Variants in KREMEN1 observed in about 807,000 individuals in gnomAD.
The protein encoded by KREMEN1 is kringle containing transmembrane protein 1.
Under a neutral mutation model 46.5 loss-of-function variants are expected in KREMEN1, and 30 were observed. That is an observed-to-expected ratio of 0.65 (90% CI 0.48 to 0.88). The LOEUF (loss-of-function observed/expected upper bound fraction) is 0.88, where lower values mean the gene tolerates loss of function less well. KREMEN1 is among the 40% of genes least tolerant of loss of function. KREMEN1 has a pLI of 0.00. For synonymous variants in KREMEN1, 214 were observed against 230.6 expected (o/e 0.93, Z 0.65); for missense variants, 533 against 596.9 (o/e 0.89, Z 1.11).
chr22:29,105,463 G>GCACACACA (rs1181636900), intron 3 of KREMEN1, among the ~76,000 whole-genome samples: 5 of 112,878 alleles, frequency 4.4e-5, no homozygotes, highest in Non-Finnish European at 7.6e-5. Flanking sequence ...GTGCGTGTGC[G>GCACACACA]CACACACACA....
intron 1 of KREMEN1, among the ~76,000 whole-genome samples, chr22:29,089,262 C>G (rs2037773611): frequency 6.6e-6 from 1 of 152,184 alleles, no homozygotes; most frequent in Non-Finnish European, 1.5e-5. Context: ...AATTCTACCC[C>G]AAAACACTCT....
chr22:29,097,515 C>T (rs1727127645), intron 2 of KREMEN1, among the ~76,000 whole-genome samples: 1 of 152,204 alleles, frequency 6.6e-6, no homozygotes, highest in Non-Finnish European at 1.5e-5. Context: ...GAGGAGTCAG[C>T]ATTTTGAGGA....
rs1031131528 is a variant in KREMEN1, at chr22:29,145,018, G to T, written c.*2906G>T. On this transcript the variant is annotated 3_prime_UTR_variant, in exon 9 of 9. Coordinates refer to ENST00000400335, the MANE Select transcript of KREMEN1 (RefSeq NM_001039570.3). ...CAAATCTGGCTCAGGACAGCGTACG[G>T]GCAGGAGGGCTGTAAATCATCCCAG... The T allele has an allele frequency of 1.2e-5, 12 of 985,526 alleles. No homozygotes were observed. The highest frequency in any genetic ancestry group is 1.4e-5 in the Non-Finnish European group (12 of 830,008). The allele number at this position is 985,526 out of a possible 1,614,324, so 61.0% of individuals were successfully genotyped here.
intron 1 of KREMEN1, among the ~76,000 whole-genome samples, chr22:29,074,460 G>A (rs939844764): frequency 1.3e-5 from 2 of 152,266 alleles, no homozygotes; most frequent in African/African-American, 4.8e-5. Flanking sequence ...CCCTGGACCA[G>A]GATGAAGCTT....
Position 29,144,529 on chromosome 22 carries a change from C to G in KREMEN1, c.*2417C>G. 1.0e-6 allele frequency: 1 copy of G among 984,430 alleles called. No individual in the cohort carries two copies. Among genetic ancestry groups the G allele is most frequent in the Non-Finnish European group, 1.2e-6 (1 of 829,968 alleles). The allele number at this position is 984,430 out of a possible 1,614,324, so 61.0% of individuals were successfully genotyped here. A position where few individuals can be genotyped will look rare whatever the true frequency, so the allele number is the denominator to read the frequency against. ...AGGCCTCTGTCTCCAAGAGGCCTGTCACACAGGAGGACCGCTGGAAACATA... is the reference window on the plus strand; with the variant it reads ...AGGCCTCTGTCTCCAAGAGGCCTGTGACACAGGAGGACCGCTGGAAACATA... On this transcript the variant is annotated 3_prime_UTR_variant, in exon 9 of 9. Transcript: ENST00000400335.
chr22:29,121,236 A>G (rs2038351161), intron 3 of KREMEN1, 121 bp from the exon 4 acceptor site: 2 of 1,135,938 alleles, frequency 1.8e-6, no homozygotes, highest in Admixed American at 2.3e-5. Context: ...CTTGTTGTTT[A>G]TTTGTACCTC....
At chr22:29,148,085 G>C (rs2038886046), downstream of KREMEN1, among the ~76,000 whole-genome samples, 1 of 152,214 alleles carries the variant, frequency 6.6e-6, no homozygotes, top group Admixed American at 6.5e-5. Flanking sequence ...CCTGAGCGGA[G>C]AGAGGGGCCA....
intron 3 of KREMEN1, among the ~76,000 whole-genome samples, chr22:29,104,133 G>A (rs919007613): frequency 6.6e-6 from 1 of 150,952 alleles, no homozygotes; most frequent in African/African-American, 2.4e-5. Context: ...ATTCAAATAT[G>A]TAACATGATT....
downstream of KREMEN1, among the ~76,000 whole-genome samples, chr22:29,149,926 T>C (rs1346375597): frequency 2.0e-5 from 3 of 152,186 alleles, no homozygotes; most frequent in East Asian, 5.8e-4. Flanking sequence ...GGTGACCTTG[T>C]CTCCAGGCTT....
At chr22:29,113,573 T>C (rs979761186) in intron 3 of KREMEN1, among the ~76,000 whole-genome samples, 14 of 152,252 alleles carry the variant, frequency 9.2e-5, no homozygotes, top group Non-Finnish European at 1.5e-4. Context: ...TATCTCATTT[T>C]ATTTCTCACA....
In KREMEN1 at chr22:29,142,271, C is replaced by G; in HGVS notation, c.*159C>G. Reference sequence around the variant, plus strand: ...CTCCTACAGACTAGGAAGAGGCACCCTGCTGCCAGGGCAGGCAGAGCCTGG... The same window carrying G: ...CTCCTACAGACTAGGAAGAGGCACCGTGCTGCCAGGGCAGGCAGAGCCTGG... On this transcript the variant is annotated 3_prime_UTR_variant, in exon 9 of 9. Coordinates refer to ENST00000400335, the MANE Select transcript of KREMEN1 (RefSeq NM_001039570.3). 7.5e-7 allele frequency: 1 copy of G among 1,336,288 alleles called. No individual in the cohort carries two copies. The highest frequency in any genetic ancestry group is 9.5e-7 in the Non-Finnish European group (1 of 1,048,628). 82.8% of individuals were successfully genotyped at this position (1,336,288 alleles called of 1,614,324 possible).
chr22:29,146,453 T>C lies in KREMEN1; in HGVS notation c.*4341T>C. On this transcript the variant is annotated 3_prime_UTR_variant, in exon 9 of 9. Transcript: ENST00000400335. ...GGAGGAAAGTCAGAGGGAAATCTGC[T>C]TCAGAAAGGAAGGGTCTTTAGACAC... 2 of 985,544 alleles carry C rather than the reference T, an allele frequency of 2.0e-6. No homozygotes were observed. Among genetic ancestry groups the C allele is most frequent in the African/African-American group, 1.7e-5 (1 of 57,320 alleles). The allele number at this position is 985,544 out of a possible 1,614,324, so 61.0% of individuals were successfully genotyped here. A position where few individuals can be genotyped will look rare whatever the true frequency, so the allele number is the denominator to read the frequency against.
Position 29,143,849 on chromosome 22 carries a change from A to C in KREMEN1, c.*1737A>C. On this transcript the variant is annotated 3_prime_UTR_variant, in exon 9 of 9. Transcript: ENST00000400335. ...GGGGAAGGAGAGCACTCTTGTCCCC[A>C]GTCCCTTGCCACCCTGTCCCTTAGA... is the stretch of plus-strand genomic sequence containing the variant. The C allele has an allele frequency of 1.0e-6, 1 of 985,308 alleles. No individual in the cohort carries two copies. Among genetic ancestry groups the C allele is most frequent in the Non-Finnish European group, 1.2e-6 (1 of 829,992 alleles). The allele number at this position is 985,308 out of a possible 1,614,324, so 61.0% of individuals were successfully genotyped here. A position where few individuals can be genotyped will look rare whatever the true frequency, so the allele number is the denominator to read the frequency against.
intron 4 of KREMEN1, 74 bp from the exon 5 acceptor site, chr22:29,125,185 GCCCA>G (rs2038421247): frequency 6.5e-7 from 1 of 1,544,070 alleles, no homozygotes; most frequent in African/African-American, 1.4e-5. Context: ...CTTGCTGGAA[GCCCA>G]CCCTGCCAGG....
chr22:29,088,954 A>C (rs2037769491), intron 1 of KREMEN1, among the ~76,000 whole-genome samples: 1 of 152,158 alleles, frequency 6.6e-6, no homozygotes, highest in Non-Finnish European at 1.5e-5. Flanking sequence ...TTGTGTGATA[A>C]AGAAAAAAAA....
At chr22:29,110,600 C>G (rs1001072627) in intron 3 of KREMEN1, among the ~76,000 whole-genome samples, 4 of 152,172 alleles carry the variant, frequency 2.6e-5, no homozygotes, top group South Asian at 2.1e-4. Context: ...ACTACCTCCC[C>G]CTAAGGGCAG....
In KREMEN1 at chr22:29,161,290, G is replaced by GCA. The variant is rs1569343472; in HGVS notation, c.1417-5754_1417-5753insCA. ...TGGGGGGCCAAGGTGGGCAGATCAT[G>GCA]AGGTCAGGAGATCGAGACCATCCTG... On this transcript the variant is annotated intron_variant, in intron 9 of 9. Coordinates refer to the KREMEN1 transcript ENST00000327813. Among the ~76,000 whole-genome samples, 903 of 151,902 alleles carry GCA rather than the reference G, an allele frequency of 5.9e-3. 5 individuals carry two copies. Among genetic ancestry groups the GCA allele is most frequent in the African/African-American group, 0.021 (863 of 41,426 alleles).
At chr22:29,114,364 T>G (rs1601781346) in intron 3 of KREMEN1, among the ~76,000 whole-genome samples, 1 of 151,522 alleles carries the variant, frequency 6.6e-6, no homozygotes, top group Non-Finnish European at 1.5e-5. Flanking sequence ...CGGGCACCTG[T>G]AACCCCAGCT....
exon 10 of KREMEN1, chr22:29,167,712 G>GT (rs1569345473): frequency 1.3e-5 from 2 of 151,700 alleles, no homozygotes. Context: ...GCCTACTGTG[G>GT]TTTTTTCTGA....
Sources: gnomAD v4.1 joint callset for allele counts (sites outside exome capture counted in the v4.1 genomes callset) on GRCh38, gnomAD v4.1.1 for gene constraint, MANE v1.5 for transcripts, NCBI Gene and HGNC (gene_info 2026-07-23, HGNC 2026-07-21) for gene names.